Variants in SH3RF1 observed in about 807,000 individuals in gnomAD.
The protein encoded by SH3RF1 is SH3 domain containing ring finger 1, also known as E3 ubiquitin-protein ligase SH3RF1.
A neutral mutation model predicts 74.0 loss-of-function variants in SH3RF1; 32 were observed. The observed-to-expected ratio is 0.43, with a 90% CI of 0.33 to 0.58. The LOEUF is 0.58. Ranked by LOEUF, SH3RF1 falls within the 20% of genes least tolerant of loss-of-function variation. SH3RF1 has a pLI of 0.05. For missense variants in SH3RF1, 954 were observed against 1,130.9 expected, an observed-to-expected ratio of 0.84 and a Z score of 2.24; for synonymous variants, 396 against 439.6, an observed-to-expected ratio of 0.90 and a Z score of 1.24.
At chr4:169,159,101 C>T (rs889633370) in intron 2 of SH3RF1, among the ~76,000 whole-genome samples, 2 of 152,166 alleles carry the variant, frequency 1.3e-5, no homozygotes, top group Non-Finnish European at 2.9e-5. Context: ...GTCACTTCTG[C>T]TACTCTGCCT....
At chr4:169,229,997 G>C (rs1045764024) in intron 2 of SH3RF1, among the ~76,000 whole-genome samples, 1 of 147,228 alleles carries the variant, frequency 6.8e-6, no homozygotes, top group Admixed American at 6.7e-5. Flanking sequence ...CTTGAGGTCA[G>C]GAGTTCGAGA....
chr4:169,265,817 T>C (rs1019764526), intron 2 of SH3RF1, among the ~76,000 whole-genome samples: 6 of 152,236 alleles, frequency 3.9e-5, no homozygotes, highest in Non-Finnish European at 5.9e-5. Flanking sequence ...TCTATGCATA[T>C]TTATGTTTAC....
intron 2 of SH3RF1, among the ~76,000 whole-genome samples, chr4:169,235,167 T>C (rs1326915086): frequency 6.6e-6 from 1 of 152,232 alleles, no homozygotes; most frequent in Non-Finnish European, 1.5e-5. Flanking sequence ...ATAATCCTAC[T>C]GTGCAAAACA....
At chr4:169,177,326 T>C (rs1346282240) in intron 2 of SH3RF1, among the ~76,000 whole-genome samples, 1 of 152,180 alleles carries the variant, frequency 6.6e-6, no homozygotes, top group Non-Finnish European at 1.5e-5. Context: ...TCTAAAGACT[T>C]CCTCAGCTTG....
At chr4:169,255,622 T>TACACACACAC (rs56229906) in intron 2 of SH3RF1, among the ~76,000 whole-genome samples, 9,116 of 124,462 alleles carry the variant, frequency 0.073, 445 homozygotes, top group Middle Eastern at 0.12. Flanking sequence ...CATACACACA[T>TACACACACAC]ACACACACAC....
At chr4:169,154,180 A>T (rs1734016139) in intron 4 of SH3RF1, among the ~76,000 whole-genome samples, 1 of 152,164 alleles carries the variant, frequency 6.6e-6, no homozygotes, top group African/African-American at 2.4e-5. Context: ...CTGTGAGTTA[A>T]GGGTTGTTTG....
intron 9 of SH3RF1, 113 bp from the exon 10 acceptor site, chr4:169,116,743 T>G (rs1181903784): frequency 2.9e-6 from 4 of 1,366,022 alleles, no homozygotes; most frequent in Non-Finnish European, 3.9e-6. Context: ...GCTATTGTAT[T>G]TATTACAATA....
intron 2 of SH3RF1, among the ~76,000 whole-genome samples, chr4:169,259,483 T>G (rs1338819697): frequency 6.6e-6 from 1 of 152,158 alleles, no homozygotes; most frequent in Non-Finnish European, 1.5e-5. Context: ...ATGAAGCAAC[T>G]GCTACCATCC....
At chr4:169,214,491 T>C (rs1354628948) in intron 2 of SH3RF1, among the ~76,000 whole-genome samples, 2 of 152,332 alleles carry the variant, frequency 1.3e-5, no homozygotes, top group East Asian at 1.9e-4. Context: ...TTGATTGGGA[T>C]TGTGTTGAAT....
chr4:169,233,738 T>TC (rs1432124147), intron 2 of SH3RF1, among the ~76,000 whole-genome samples: 1 of 151,820 alleles, frequency 6.6e-6, no homozygotes, highest in Non-Finnish European at 1.5e-5. Flanking sequence ...GCAAACCACC[T>TC]CCCTCTACCC....
At chr4:169,205,641 G>C (rs1730243435) in intron 2 of SH3RF1, among the ~76,000 whole-genome samples, 1 of 152,052 alleles carries the variant, frequency 6.6e-6, no homozygotes, top group Non-Finnish European at 1.5e-5. Context: ...AAAATCTTCA[G>C]CATATTTTTT....
chr4:169,244,248 C>A (rs1208921018), intron 2 of SH3RF1, among the ~76,000 whole-genome samples: 2 of 152,204 alleles, frequency 1.3e-5, no homozygotes, highest in East Asian at 3.8e-4. Context: ...CCTGCACAAA[C>A]ACACAAATGT....
intron 4 of SH3RF1, among the ~76,000 whole-genome samples, chr4:169,146,639 A>T (rs1476053597): frequency 6.6e-6 from 1 of 152,178 alleles, no homozygotes; most frequent in Admixed American, 6.6e-5. Flanking sequence ...AATTTCAGAG[A>T]CTGGAGTGAC....
At chr4:169,186,967 T>C (rs1426098444) in intron 2 of SH3RF1, among the ~76,000 whole-genome samples, 1 of 144,974 alleles carries the variant, frequency 6.9e-6, no homozygotes, top group African/African-American at 2.6e-5. Context: ...TGAGCGAAGA[T>C]GGCACCACTG....
intron 2 of SH3RF1, among the ~76,000 whole-genome samples, chr4:169,242,567 G>A (rs1005714807): frequency 6.6e-6 from 1 of 152,084 alleles, no homozygotes; most frequent in African/African-American, 2.4e-5. Context: ...TCTGAGGTGG[G>A]GCCCAGATAC....
intron 10 of SH3RF1, among the ~76,000 whole-genome samples, chr4:169,108,673 C>T (rs998602175): frequency 6.6e-6 from 1 of 152,210 alleles, no homozygotes; most frequent in Non-Finnish European, 1.5e-5. Flanking sequence ...TATAGCCTGT[C>T]CTCAGCTGAT....
chr4:169,246,647 T>C (rs1262826494), intron 2 of SH3RF1, among the ~76,000 whole-genome samples: 1 of 152,274 alleles, frequency 6.6e-6, no homozygotes, highest in Non-Finnish European at 1.5e-5. Flanking sequence ...TAATTAGAAC[T>C]GATTTTAAAA....
intron 6 of SH3RF1, 77 bp from the exon 7 acceptor site, chr4:169,122,343 G>T (rs1455581180): frequency 7.0e-7 from 1 of 1,435,330 alleles, no homozygotes; most frequent in African/African-American, 1.4e-5. Context: ...TGGAAGGTGG[G>T]AGAGAAAAAG....
chr4:169,172,805 G>A (rs1192974770), intron 2 of SH3RF1, among the ~76,000 whole-genome samples: 3 of 152,138 alleles, frequency 2.0e-5, no homozygotes, highest in African/African-American at 4.8e-5. Flanking sequence ...CAAAGCAAGC[G>A]AAGAAGGTGG....
Sources: gnomAD v4.1 joint callset for allele counts (sites outside exome capture counted in the v4.1 genomes callset) on GRCh38, gnomAD v4.1.1 for gene constraint, MANE v1.5 for transcripts, NCBI Gene and HGNC (gene_info 2026-07-23, HGNC 2026-07-21) for gene names.